TMEM132C: variants seen among roughly 807,000 people sequenced by gnomAD.
The protein encoded by TMEM132C is protein phosphatase 1, regulatory subunit 152.
Under a neutral mutation model 61.4 loss-of-function variants are expected in TMEM132C, and 29 were observed. The ratio of observed to expected loss-of-function variants is 0.47; its 90% CI spans 0.35 to 0.64. TMEM132C has a LOEUF of 0.64. Ranked by LOEUF, TMEM132C falls within the 30% of genes least tolerant of loss-of-function variation. The pLI, the probability that TMEM132C is intolerant of heterozygous loss-of-function variation, is 0.00. For synonymous variants in TMEM132C, 656 were observed against 633.1 expected (o/e 1.04, Z -0.54); for missense variants, 1,408 against 1,476.9 (o/e 0.95, Z 0.76).
chr12:128,599,081 G>A (rs1876075915), intron 3 of TMEM132C, among the ~76,000 whole-genome samples: 1 of 152,140 alleles, frequency 6.6e-6, no homozygotes, highest in South Asian at 2.1e-4. Context: ...GCTTCTGATG[G>A]TGTCACAGGC....
At chr12:128,610,461 G>T (rs1280145070) in intron 3 of TMEM132C, among the ~76,000 whole-genome samples, 1 of 152,166 alleles carries the variant, frequency 6.6e-6, no homozygotes, top group Non-Finnish European at 1.5e-5. Context: ...TGACTGTTGG[G>T]AGAATTCATT....
At position 128,414,826 on chromosome 12, in the gene TMEM132C, C is replaced by T. The variant is rs2136021175; in HGVS notation, c.180C>T (p.Thr60=). The part of the protein sequence containing the change: ...PVSYHILRAE[T]SFFLKEANQD... ...GCTACCACATCCTCAGAGCAGAGACCTCCTTCTTCCTCAAGGAAGCCAACC... is the reference window on the plus strand; with the variant it reads ...GCTACCACATCCTCAGAGCAGAGACTTCCTTCTTCCTCAAGGAAGCCAACC... Residue 60 remains threonine (T), a synonymous_variant, in exon 2 of 9, where the codon ACC becomes ACT. Transcript: ENST00000435159. 6.5e-7 allele frequency: 1 copy of T among 1,546,510 alleles called. No individual in the cohort carries two copies. The highest frequency in any genetic ancestry group is 1.2e-5 in the South Asian group (1 of 84,058).
chr12:128,466,765 G>A (rs372124915), intron 2 of TMEM132C, among the ~76,000 whole-genome samples: 2 of 152,194 alleles, frequency 1.3e-5, no homozygotes, highest in Admixed American at 1.3e-4. Flanking sequence ...TGATCCACCC[G>A]CCTCGGCCTC....
At chr12:128,697,509 G>A (rs1394888765) in intron 8 of TMEM132C, 94 bp downstream of exon 8, 1 of 1,291,850 alleles carries the variant, frequency 7.7e-7, no homozygotes, top group Non-Finnish European at 1.0e-6. Flanking sequence ...AATGGGGGCA[G>A]GTTAGCAGAA....
chr12:128,502,862 G>A (rs1373513883), intron 2 of TMEM132C, among the ~76,000 whole-genome samples: 2 of 152,330 alleles, frequency 1.3e-5, no homozygotes, highest in East Asian at 1.9e-4. Flanking sequence ...GGGCCGGGAT[G>A]CTCCCTTTCT....
At chr12:128,580,264 A>T (rs1199009913) in intron 3 of TMEM132C, among the ~76,000 whole-genome samples, 1 of 152,024 alleles carries the variant, frequency 6.6e-6, no homozygotes, top group East Asian at 1.9e-4. Flanking sequence ...AAAAAAAAAT[A>T]CAAAAAATTA....
chr12:128,544,603 A>G (rs1470980821), intron 3 of TMEM132C, among the ~76,000 whole-genome samples: 2 of 151,572 alleles, frequency 1.3e-5, no homozygotes, highest in Admixed American at 1.3e-4. Flanking sequence ...TATAAAAGCA[A>G]TTCAGACTCA....
At chr12:128,548,924 A>G (rs1874057695) in intron 3 of TMEM132C, among the ~76,000 whole-genome samples, 1 of 152,230 alleles carries the variant, frequency 6.6e-6, no homozygotes, top group Non-Finnish European at 1.5e-5. Flanking sequence ...CATAGGTTGT[A>G]TGCTACTACT....
At chr12:128,617,505 A>T (rs995982096) in intron 4 of TMEM132C, among the ~76,000 whole-genome samples, 3 of 152,170 alleles carry the variant, frequency 2.0e-5, no homozygotes, top group Admixed American at 2.0e-4. Context: ...GGAATGTATC[A>T]CCCTGGGGCA....
chr12:128,380,807 A>C (rs1304602378), intron 1 of TMEM132C, among the ~76,000 whole-genome samples: 1 of 152,212 alleles, frequency 6.6e-6, no homozygotes, highest in Non-Finnish European at 1.5e-5. Context: ...TCTGGTCATA[A>C]CATATTCATC....
intron 2 of TMEM132C, among the ~76,000 whole-genome samples, chr12:128,472,374 C>A (rs759914721): frequency 5.1e-4 from 77 of 152,186 alleles, no homozygotes; most frequent in Non-Finnish European, 9.6e-4. Context: ...GGGTCAGAGA[C>A]CCTCTTCCAT....
chr12:128,678,581 G>A (rs1954611547), intron 5 of TMEM132C, among the ~76,000 whole-genome samples: 1 of 152,242 alleles, frequency 6.6e-6, no homozygotes. Context: ...GCAGGACGAT[G>A]CCTTTGTGTC....
At chr12:128,330,397 G>C (rs747752535) in intron 1 of TMEM132C, among the ~76,000 whole-genome samples, 1 of 152,190 alleles carries the variant, frequency 6.6e-6, no homozygotes, top group South Asian at 2.1e-4. Flanking sequence ...TTTTAAAAGT[G>C]TATTTCTAGG....
chr12:128,338,777 T>TATATATATA (rs1565905368), intron 1 of TMEM132C, among the ~76,000 whole-genome samples: 3 of 149,156 alleles, frequency 2.0e-5, no homozygotes, highest in African/African-American at 2.6e-5. Context: ...TATATATATA[T>TATATATATA]TTTGCACAAA....
At chr12:128,651,931 G>A (rs1365476081) in intron 4 of TMEM132C, among the ~76,000 whole-genome samples, 1 of 152,226 alleles carries the variant, frequency 6.6e-6, no homozygotes, top group Non-Finnish European at 1.5e-5. Context: ...ATGAAAACCA[G>A]CGGGACGTTT....
intron 2 of TMEM132C, among the ~76,000 whole-genome samples, chr12:128,496,325 C>T (rs1871956701): frequency 6.6e-6 from 1 of 152,122 alleles, no homozygotes; most frequent in Non-Finnish European, 1.5e-5. Context: ...AGTTGCTCTT[C>T]TCCAGGAGTA....
chr12:128,489,520 A>C (rs1871633308), intron 2 of TMEM132C, among the ~76,000 whole-genome samples: 2 of 150,488 alleles, frequency 1.3e-5, no homozygotes, highest in African/African-American at 4.9e-5. Context: ...TGTGAGATTT[A>C]AAGGCAAGCT....
chr12:128,438,895 G>A (rs997816033), intron 2 of TMEM132C: 11 of 152,192 alleles, frequency 7.2e-5, no homozygotes, highest in Admixed American at 3.9e-4. Context: ...ATCTATGCAC[G>A]CCAATGTAAG....
At chr12:128,303,687 C>T (rs2135920412) in intron 1 of TMEM132C, among the ~76,000 whole-genome samples, 1 of 152,262 alleles carries the variant, frequency 6.6e-6, no homozygotes, top group East Asian at 1.9e-4. Context: ...GGCTGTTTTC[C>T]TCGCTGCTGC....
Sources: allele counts gnomAD v4.1 joint callset (sites outside exome capture counted in the v4.1 genomes callset), GRCh38; gene constraint gnomAD v4.1.1; transcripts MANE v1.5; gene names NCBI Gene and HGNC (gene_info 2026-07-23, HGNC 2026-07-21).